Variants in SBF2 observed in about 807,000 individuals in gnomAD.
SBF2 encodes myotubularin-related protein 13.
In SBF2, 112 loss-of-function variants were observed where a neutral mutation model predicts 225.2. That is an observed-to-expected ratio of 0.50 (90% CI 0.43 to 0.58). The LOEUF (loss-of-function observed/expected upper bound fraction) is 0.58, where lower values mean the gene tolerates loss of function less well. Ranked by LOEUF, SBF2 falls within the 20% of genes least tolerant of loss-of-function variation. The pLI is 0.00. For missense variants in SBF2, 1,996 were observed against 2,206.2 expected (o/e 0.90, Z 1.91); for synonymous variants, 763 against 773.3 (o/e 0.99, Z 0.22).
chr11:10,073,314 A>G (rs925602590), intron 2 of SBF2, among the ~76,000 whole-genome samples: 1 of 152,182 alleles, frequency 6.6e-6, no homozygotes, highest in South Asian at 2.1e-4. Context: ...TTTTCATTTT[A>G]AAATTATTAA....
chr11:9,800,490 T>A (rs1191010887), intron 32 of SBF2, among the ~76,000 whole-genome samples: 1 of 151,892 alleles, frequency 6.6e-6, no homozygotes, highest in African/African-American at 2.4e-5. Context: ...CACTGCAAGC[T>A]CCACCTCCCG....
At chr11:10,036,470 C>T (rs1949444407) in intron 3 of SBF2, among the ~76,000 whole-genome samples, 1 of 152,014 alleles carries the variant, frequency 6.6e-6, no homozygotes, top group African/African-American at 2.4e-5. Flanking sequence ...TTCTGCGGGA[C>T]ATAATTTAAA....
At chr11:10,249,588 T>C (rs1383699138) in intron 1 of SBF2, among the ~76,000 whole-genome samples, 2 of 152,242 alleles carry the variant, frequency 1.3e-5, no homozygotes, top group East Asian at 3.9e-4. Context: ...TACAGTAATG[T>C]GGAATTCCAG....
chr11:10,218,762 G>A (rs889798084), intron 1 of SBF2, among the ~76,000 whole-genome samples: 11 of 152,144 alleles, frequency 7.2e-5, no homozygotes, highest in Admixed American at 2.0e-4. Flanking sequence ...AAGGGTTACA[G>A]GCCCCATGCA....
chr11:9,975,683 GGGAGGGGGGT>G (rs1946648735), intron 13 of SBF2, among the ~76,000 whole-genome samples: 1 of 152,268 alleles, frequency 6.6e-6, no homozygotes, highest in East Asian at 1.9e-4. Context: ...CAGATAGGAC[GGGAGGGGGGT>G]TCAATTTGAA....
intron 16 of SBF2, among the ~76,000 whole-genome samples, chr11:9,946,270 G>T (rs887328381): frequency 6.6e-6 from 1 of 152,018 alleles, no homozygotes; most frequent in Non-Finnish European, 1.5e-5. Flanking sequence ...ATGAAATCAC[G>T]TCCTTTGTAA....
chr11:9,852,439 C>T (rs577860103), intron 21 of SBF2, among the ~76,000 whole-genome samples: 2 of 152,286 alleles, frequency 1.3e-5, no homozygotes, highest in Admixed American at 1.3e-4. Context: ...TAAAAGTAGA[C>T]TCAATGAGAG....
rs562617574 is a variant in SBF2, at chr11:10,104,520, G to C, written c.142-61539C>G. ...GCAACGTAGGTGCAAACTGCTCCAG[G>C]AATATGTACATGGCTGCCTATCACG... On this transcript the variant is annotated intron_variant, in intron 2 of 39. Transcript: ENST00000256190. 9.4e-5 allele frequency among the ~76,000 whole-genome samples: 14 copies of C among 149,028 alleles called. No homozygotes were observed. In the South Asian group the frequency reaches 2.8e-3, roughly 29 times the overall value.
At chr11:10,210,334 AAAG>A (rs1324112096) in intron 1 of SBF2, among the ~76,000 whole-genome samples, 1 of 151,876 alleles carries the variant, frequency 6.6e-6, no homozygotes, top group Non-Finnish European at 1.5e-5. Context: ...AAAAGAAAAG[AAAG>A]AAGAAGAGAA....
intron 28 of SBF2, among the ~76,000 whole-genome samples, chr11:9,821,455 T>TA (rs1251147761): frequency 1.3e-5 from 2 of 152,158 alleles, no homozygotes; most frequent in African/African-American, 2.4e-5. Flanking sequence ...CCAGTACTGA[T>TA]ATGGGGCCAG....
chr11:10,301,548 C>A (rs1964599056), intron 1 of SBF2, among the ~76,000 whole-genome samples: 1 of 152,166 alleles, frequency 6.6e-6, no homozygotes, highest in Non-Finnish European at 1.5e-5. Context: ...ATAATAAATG[C>A]ATCATAAAAT....
rs774033750 is a variant in SBF2 at position 9,992,408 on chromosome 11, G to A, written c.1296+7C>T. The A allele has an allele frequency of 1.2e-6, 2 of 1,610,936 alleles. No homozygotes were observed. The highest frequency in any genetic ancestry group is 3.3e-5 in the Admixed American group (2 of 59,854). On this transcript the variant is annotated splice_region_variant and intron_variant, in intron 12 of 39. Coordinates refer to ENST00000256190, the MANE Select transcript of SBF2 (RefSeq NM_030962.4). ...TAAATAATGCCTTCATTTAATAAGAGCTATACCTCATCAAAGAGATCACAA... is the reference window on the plus strand; with the variant it reads ...TAAATAATGCCTTCATTTAATAAGAACTATACCTCATCAAAGAGATCACAA...
intron 2 of SBF2, among the ~76,000 whole-genome samples, chr11:10,055,818 T>C (rs2134733867): frequency 6.6e-6 from 1 of 152,216 alleles, no homozygotes; most frequent in East Asian, 1.9e-4. Context: ...AAACTACCTA[T>C]TGGGTACATA....
At chr11:10,107,027 G>GA (rs1244866281) in intron 2 of SBF2, among the ~76,000 whole-genome samples, 1 of 152,184 alleles carries the variant, frequency 6.6e-6, no homozygotes, top group Non-Finnish European at 1.5e-5. Flanking sequence ...ATGTTAGTAG[G>GA]ATGTGGAGGC....
intron 16 of SBF2, chr11:9,928,882 T>C (rs1464294436): frequency 3.5e-6 from 1 of 282,648 alleles, no homozygotes; most frequent in Non-Finnish European, 7.0e-6. Flanking sequence ...GTTCATTTCA[T>C]GTTTTAGACT....
chr11:10,148,329 C>G (rs918966378), intron 2 of SBF2, among the ~76,000 whole-genome samples: 1 of 152,026 alleles, frequency 6.6e-6, no homozygotes, highest in Non-Finnish European at 1.5e-5. Flanking sequence ...GAAAAGAAAG[C>G]AAACCCTACA....
intron 36 of SBF2, among the ~76,000 whole-genome samples, chr11:9,786,363 C>CA (rs1466465457): frequency 2.0e-5 from 3 of 151,718 alleles, no homozygotes; most frequent in Non-Finnish European, 4.4e-5. Flanking sequence ...TGTGTTCTTT[C>CA]AAAAAAATGA....
intron 13 of SBF2, 41 bp from the exon 14 acceptor site, chr11:9,968,586 T>A: frequency 6.6e-7 from 1 of 1,511,396 alleles, no homozygotes; most frequent in East Asian, 2.3e-5. Context: ...CAAGTTAAAA[T>A]AACAATGGCA....
At chr11:10,174,533 G>T (rs13377297) in intron 2 of SBF2, among the ~76,000 whole-genome samples, 14,498 of 152,222 alleles carry the variant, frequency 0.095, 941 homozygotes, top group East Asian at 0.28. Context: ...ATCTACGTCT[G>T]ACTGGTGTAC....
Sources: allele counts gnomAD v4.1 joint callset (sites outside exome capture counted in the v4.1 genomes callset), GRCh38; gene constraint gnomAD v4.1.1; transcripts MANE v1.5; gene names NCBI Gene and HGNC (gene_info 2026-07-23, HGNC 2026-07-21).